The following VWF variants were observed in gnomAD, a reference collection of about 807,000 sequenced individuals.
The protein encoded by VWF is Factor VIII related antigen.
Under a neutral mutation model 308.6 loss-of-function variants are expected in VWF, and 176 were observed. That is an observed-to-expected ratio of 0.57 (90% confidence interval 0.50 to 0.65). VWF has a LOEUF of 0.65. VWF is among the 30% of genes least tolerant of loss of function. VWF has a pLI of 0.00. For synonymous variants in VWF, 1,385 were observed against 1,443.4 expected, an observed-to-expected ratio of 0.96 and a Z score of 0.92; for missense variants, 3,146 against 3,648.2, an observed-to-expected ratio of 0.86 and a Z score of 3.55.
Position 6,023,658 on chromosome 12 carries a change from C to T in VWF, c.3352G>A (p.Val1118Met). ...AHVCAQHGKV[V>M]TWRTATLCPQ... ...CACAATGTGGCCGTCCTCCAGGTCA[C>T]CACCTTGCCATGCTGGGCACACACG... Residue 1118 changes from valine (V) to methionine (M), a missense_variant, in exon 25 of 52, where the codon GTG (valine) becomes ATG (methionine). Val to Met is a conservative substitution (Grantham distance 21). Transcript: ENST00000261405. 1 of 1,613,888 alleles carries T rather than the reference C, an allele frequency of 6.2e-7. No individual in the cohort carries two copies. The highest frequency in any genetic ancestry group is 8.5e-7 in the Non-Finnish European group (1 of 1,179,998).
At position 5,985,657 on chromosome 12, in the gene VWF, T is replaced by C; in HGVS notation, c.6807A>G (p.Glu2269=). ...GEDGVQHQFL[E]AWVPDHQPCQ... The stretch of plus-strand genomic sequence containing the variant: ...AGGGCTGGTGGTCCGGGACCCAGGC[T>C]TCCAGGAACTGAGGGCAAAGCGAGG... The change falls in exon 39 of 52, where the codon GAA becomes GAG. Residue 2269 remains glutamate, a synonymous_variant. Coordinates refer to ENST00000261405, the MANE Select transcript of VWF (RefSeq NM_000552.5). The C allele has an allele frequency of 6.2e-7, 1 of 1,614,074 alleles. No individual in the cohort carries two copies. The highest frequency in any genetic ancestry group is 8.5e-7 in the Non-Finnish European group (1 of 1,180,018).
chr12:6,029,588 A>C (rs1944235281), intron 21 of VWF, 100 bp from the exon 22 acceptor site: 1 of 1,490,228 alleles, frequency 6.7e-7, no homozygotes, highest in Non-Finnish European at 9.1e-7. Flanking sequence ...TTCAGTGCCC[A>C]CGAGTGCAGG....
intron 47 of VWF, among the ~76,000 whole-genome samples, chr12:5,960,634 C>T (rs887257336): frequency 6.6e-6 from 1 of 152,130 alleles, no homozygotes; most frequent in African/African-American, 2.4e-5. Context: ...CAGGATAACA[C>T]GTCATGAAGA....
chr12:5,969,268 G>C lies in VWF; in HGVS notation c.7672C>G (p.Pro2558Ala). 2 of 1,614,198 alleles carry C rather than the reference G, an allele frequency of 1.2e-6. No individual in the cohort carries two copies. The highest frequency in any genetic ancestry group is 1.7e-6 in the Non-Finnish European group (2 of 1,180,034). Residue 2558 changes from proline (P) to alanine (A), a missense_variant, in exon 45 of 52, where the codon CCC (proline) becomes GCC (alanine). Pro to Ala is a conservative substitution (Grantham distance 27). Coordinates refer to ENST00000261405, the MANE Select transcript of VWF (RefSeq NM_000552.5). ...TTACAGCTCAGCTGAAAGCCCGAGG[G>C]GCAGACAGGGACCTCCAGCTGGGGG... ...SCPQLEVPVC[P>A]SGFQLSCKTS...
chr12:5,972,311 G>A (rs1003248168), intron 43 of VWF, among the ~76,000 whole-genome samples: 1 of 152,222 alleles, frequency 6.6e-6, no homozygotes, highest in African/African-American at 2.4e-5. Context: ...CTGGAAGTTT[G>A]TCAGCCCATC....
At chr12:5,979,735 C>A (rs1221153076) in intron 42 of VWF, among the ~76,000 whole-genome samples, 1 of 145,886 alleles carries the variant, frequency 6.9e-6, no homozygotes, top group Non-Finnish European at 1.5e-5. Context: ...GGCCACAGAG[C>A]GACTCAAAAA....
chr12:6,115,858 G>A (rs549622241), intron 3 of VWF, among the ~76,000 whole-genome samples: 172 of 152,250 alleles, frequency 1.1e-3, no homozygotes, highest in African/African-American at 3.9e-3. Context: ...TCCTCAGGGG[G>A]AAAACCACCC....
intron 32 of VWF, among the ~76,000 whole-genome samples, chr12:6,012,537 A>C (rs1342828276): frequency 6.6e-6 from 1 of 152,242 alleles, no homozygotes. Flanking sequence ...TATTAGCTAT[A>C]AGTCAAAACT....
rs1192883584 is a variant in VWF at position 5,994,073 on chromosome 12, C to T, written c.6387G>A (p.Glu2129=). Residue 2129 remains glutamate (E), a synonymous_variant, in exon 37 of 52, where the codon GAG becomes GAA. Transcript: ENST00000261405. ...GGGAGCTGTCGGGGACAAGACACTG[C>T]TCCTCCAGGATGGGCTGGCACGTCT... ...PGQTCQPILE[E]QCLVPDSSHC... 3.1e-6 allele frequency: 5 copies of T among 1,614,186 alleles called. No homozygotes were observed. In the South Asian group the frequency reaches 3.3e-5, roughly 11 times the overall value.
At chr12:5,967,311 T>G (rs145180946) in intron 47 of VWF, among the ~76,000 whole-genome samples, 175 bp downstream of exon 47, 2 of 152,392 alleles carry the variant, frequency 1.3e-5, no homozygotes, top group African/African-American at 4.8e-5. Context: ...TAATTATTTC[T>G]GAGGCATGCA....
chr12:5,964,023 C>A (rs1011245552), intron 47 of VWF, among the ~76,000 whole-genome samples: 3 of 151,842 alleles, frequency 2.0e-5, no homozygotes, highest in Non-Finnish European at 4.4e-5. Context: ...CTGGTTAACA[C>A]GGTGAAACCC....
Position 6,057,944 on chromosome 12 carries a change from C to G in VWF, c.1634G>C (p.Arg545Pro), listed in dbSNP as rs776960730. The G allele has an allele frequency of 8.1e-6, 13 of 1,613,604 alleles. No homozygotes were observed. The highest frequency in any genetic ancestry group is 2.5e-6 in the Non-Finnish European group (3 of 1,180,018). The stretch of plus-strand genomic sequence containing the variant: ...CCAGGCGTTCCCGAAGTCCTCCACC[C>G]GGGGCTCCGCCAGCCCAGAGGGGGT... Reference protein sequence around the residue: ...FLTPSGLAEPRVEDFGNAWKL... With the variant: ...FLTPSGLAEPPVEDFGNAWKL... Residue 545 changes from arginine (R) to proline (P), a missense_variant, in exon 14 of 52, where the codon CGG becomes CCG. Coordinates refer to ENST00000261405, the MANE Select transcript of VWF (RefSeq NM_000552.5).
chr12:6,064,135 C>T, intron 12 of VWF, 111 bp downstream of exon 12: 1 of 1,557,286 alleles, frequency 6.4e-7, no homozygotes, highest in Non-Finnish European at 8.8e-7. Context: ...CCATCACATT[C>T]CCATGGAAGA....
At chr12:6,100,983 CAT>C (rs1219081254) in intron 5 of VWF, among the ~76,000 whole-genome samples, 5 of 151,838 alleles carry the variant, frequency 3.3e-5, no homozygotes, top group African/African-American at 7.3e-5. Context: ...ATAAAACAAA[CAT>C]ATTTAAAATT....
At position 6,075,048 on chromosome 12, in the gene VWF, G is replaced by A. The variant is rs1216933382; in HGVS notation, c.874+287C>T. Among the ~76,000 whole-genome samples the A allele has an allele frequency of 6.6e-6, 1 of 151,276 alleles. No homozygotes were observed. Among genetic ancestry groups the A allele is most frequent in the Non-Finnish European group, 1.5e-5 (1 of 67,870 alleles). ...ATCTTGGTGGGAAGCAGAGAACACTGTGTGAGTGCAGGGGTCGGATTTCCT... is the reference window on the plus strand; with the variant it reads ...ATCTTGGTGGGAAGCAGAGAACACTATGTGAGTGCAGGGGTCGGATTTCCT... On this transcript the variant is annotated intron_variant, in intron 7 of 51. Coordinates refer to ENST00000261405, the MANE Select transcript of VWF (RefSeq NM_000552.5). The surrounding 1 kb of genome is among the most constrained non-coding windows in gnomAD (Gnocchi z 4.7).
At chr12:5,964,226 A>ACATACATACATGCATGCATG (rs1943357062) in intron 47 of VWF, among the ~76,000 whole-genome samples, 4 of 127,738 alleles carry the variant, frequency 3.1e-5, no homozygotes, top group African/African-American at 1.3e-4. Context: ...AAAAATACAT[A>ACATACATACATGCATGCATG]CATACATACA....
chr12:6,089,707 A>G (rs1012856268), intron 6 of VWF, among the ~76,000 whole-genome samples: 4 of 152,126 alleles, frequency 2.6e-5, no homozygotes, highest in Non-Finnish European at 4.4e-5. Context: ...ACATTTGTCA[A>G]GTACTTACTC....
At chr12:6,049,770 T>A (rs568926194) in intron 16 of VWF, among the ~76,000 whole-genome samples, 1 of 152,374 alleles carries the variant, frequency 6.6e-6, no homozygotes, top group South Asian at 2.1e-4. Flanking sequence ...AAAACAGCAC[T>A]GGGCTAAGGC....
At chr12:5,998,274 G>A (rs555059216) in intron 34 of VWF, among the ~76,000 whole-genome samples, 170 of 151,024 alleles carry the variant, frequency 1.1e-3, no homozygotes, top group African/African-American at 4.1e-3. Flanking sequence ...CGAGGCGGGC[G>A]GATCACAAGG....
Sources: gnomAD v4.1 joint callset for allele counts (sites outside exome capture counted in the v4.1 genomes callset) on GRCh38, gnomAD v4.1.1 for gene constraint, Gnocchi (gnomAD v3.1) non-coding constraint, MANE v1.5 for transcripts, NCBI Gene and HGNC (gene_info 2026-07-23, HGNC 2026-07-21) for gene names.